Variants in RAB11FIP4 observed in about 807,000 individuals in gnomAD.
RAB11FIP4 encodes rab11 family-interacting protein 4.
RAB11FIP4 carries 23 observed loss-of-function variants against 74.3 expected under a neutral mutation model. That is an observed-to-expected ratio of 0.31 (90% CI 0.22 to 0.44). The LOEUF (loss-of-function observed/expected upper bound fraction) is 0.44. RAB11FIP4 is among the 20% of genes least tolerant of loss of function. The probability of loss-of-function intolerance (pLI) is 1.00; values close to 1 mark genes in which losing one functional copy is unlikely to be tolerated. For synonymous variants in RAB11FIP4, 360 were observed against 359.9 expected (o/e 1.00, Z 0.00); for missense variants, 630 against 863.9 (o/e 0.73, Z 3.39).
At chr17:31,491,936 C>T (rs1319756524) in intron 3 of RAB11FIP4, among the ~76,000 whole-genome samples, 3 of 152,204 alleles carry the variant, frequency 2.0e-5, no homozygotes, top group Non-Finnish European at 4.4e-5. Flanking sequence ...AACGTGGAAA[C>T]ATTTCCTGCC....
chr17:31,502,211 G>A (rs1250629663), intron 3 of RAB11FIP4, among the ~76,000 whole-genome samples: 4 of 146,038 alleles, frequency 2.7e-5, no homozygotes, highest in East Asian at 2.0e-4. Context: ...TTGACAGAGC[G>A]ATACCTTGTC....
chr17:31,500,470 C>T (rs999365865), intron 3 of RAB11FIP4, among the ~76,000 whole-genome samples: 3 of 152,184 alleles, frequency 2.0e-5, no homozygotes, highest in Non-Finnish European at 2.9e-5. Flanking sequence ...AGTTACTGAG[C>T]GCTGCTGGTC....
intron 3 of RAB11FIP4, among the ~76,000 whole-genome samples, chr17:31,498,609 T>A (rs1266231487): frequency 6.6e-6 from 1 of 152,212 alleles, no homozygotes; most frequent in Non-Finnish European, 1.5e-5. Flanking sequence ...CTCTGCTGGC[T>A]GTTCAAGGCC....
intron 3 of RAB11FIP4, among the ~76,000 whole-genome samples, chr17:31,494,329 G>C (rs984302194): frequency 1.3e-4 from 19 of 151,948 alleles, no homozygotes; most frequent in African/African-American, 4.6e-4. Context: ...AGGGTTCGTG[G>C]TAAGAGGATG....
intron 1 of RAB11FIP4, among the ~76,000 whole-genome samples, chr17:31,430,242 ACCAAAGGC>A (rs896262327): frequency 2.0e-5 from 3 of 152,012 alleles, no homozygotes; most frequent in Admixed American, 6.6e-5. Context: ...TGAGGAGCTG[ACCAAAGGC>A]CAGTGCAGCT....
chr17:31,529,024 C>A (rs903254592), intron 13 of RAB11FIP4, among the ~76,000 whole-genome samples: 19 of 152,010 alleles, frequency 1.2e-4, no homozygotes, highest in South Asian at 2.1e-4. Flanking sequence ...GAGGATGAGA[C>A]CATACCCAGC....
At chr17:31,461,781 G>A (rs975609353) in intron 3 of RAB11FIP4, among the ~76,000 whole-genome samples, 9 of 151,406 alleles carry the variant, frequency 5.9e-5, no homozygotes, top group African/African-American at 1.9e-4. Flanking sequence ...GCAGTGGCAC[G>A]ATCTCGACTC....
chr17:31,522,462 C>T lies in RAB11FIP4; in HGVS notation c.929+67C>T, dbSNP rs2072686836. On this transcript the variant is annotated intron_variant, in intron 7 of 14. Coordinates refer to ENST00000621161, the MANE Select transcript of RAB11FIP4 (RefSeq NM_032932.6). ...CATGCTGCCCACTGGCCGGGGCTCCCTGCCAGCAGCCCGGACTCAGCTGGT... is the reference window on the plus strand; with the variant it reads ...CATGCTGCCCACTGGCCGGGGCTCCTTGCCAGCAGCCCGGACTCAGCTGGT... 2.6e-6 allele frequency: 4 copies of T among 1,509,850 alleles called. No homozygotes were observed. In the South Asian group the frequency reaches 4.6e-5, roughly 17 times the overall value. 93.5% of individuals were successfully genotyped at this position (1,509,850 alleles called of 1,614,324 possible).
intron 1 of RAB11FIP4, 71 bp from the exon 2 acceptor site, chr17:31,431,737 AGCCTC>A: frequency 9.5e-6 from 5 of 528,428 alleles, no homozygotes; most frequent in African/African-American, 2.0e-5. Context: ...CCTCCCTCCC[AGCCTC>A]CCCACCCAGC....
chr17:31,444,945 T>C lies in RAB11FIP4; in HGVS notation c.336+10823T>C, dbSNP rs367712314. ...CAGTGCATTTTTGAAACAGTAACTG[T>C]GGGAAACACACAAACACAATCACAT... is the stretch of plus-strand genomic sequence containing the variant. On this transcript the variant is annotated intron_variant, in intron 3 of 14. Coordinates refer to ENST00000621161, the MANE Select transcript of RAB11FIP4 (RefSeq NM_032932.6). Among the ~76,000 whole-genome samples the C allele has an allele frequency of 5.3e-5, 8 of 152,084 alleles. No individual in the cohort carries two copies. In the East Asian group the frequency reaches 1.3e-3, roughly 26 times the overall value.
At chr17:31,420,993 A>G (rs34938453) in intron 1 of RAB11FIP4, among the ~76,000 whole-genome samples, 10,885 of 152,126 alleles carry the variant, frequency 0.072, 503 homozygotes, top group Middle Eastern at 0.13. Flanking sequence ...TTGAGGCAGG[A>G]GAATTGCTTG....
At chr17:31,398,468 T>G (rs1597895073) in intron 1 of RAB11FIP4, among the ~76,000 whole-genome samples, 1 of 149,548 alleles carries the variant, frequency 6.7e-6, no homozygotes. Context: ...CCATGGGGGG[T>G]GGGGGGTGTG....
At chr17:31,488,108 A>G (rs2071932649) in intron 3 of RAB11FIP4, 3 of 1,020,422 alleles carry the variant, frequency 2.9e-6, no homozygotes, top group African/African-American at 3.5e-5. Flanking sequence ...CGCGCCTTCC[A>G]CTGGTGCCCA....
At position 31,536,455 on chromosome 17, in the gene RAB11FIP4, T is replaced by C. The variant is rs1190331921; in HGVS notation, c.*4723T>C. ...TCCACAGCGACTCTTTCTCAAGGGC[T>C]ACTGTGGATTCTAGATTGAGGAAAG... On this transcript the variant is annotated 3_prime_UTR_variant, in exon 15 of 15. Coordinates refer to ENST00000621161, the MANE Select transcript of RAB11FIP4 (RefSeq NM_032932.6). 1 of 152,790 alleles carries C rather than the reference T, an allele frequency of 6.5e-6. No homozygotes were observed. The highest frequency in any genetic ancestry group is 1.5e-5 in the Non-Finnish European group (1 of 68,452). The allele number at this position is 152,790 out of a possible 1,614,324, so 9.5% of individuals were successfully genotyped here.
intron 10 of RAB11FIP4, chr17:31,526,696 A>C (rs925235142): frequency 1.3e-5 from 2 of 152,442 alleles, no homozygotes; most frequent in Non-Finnish European, 2.9e-5. Flanking sequence ...CTATAATCCC[A>C]GCACTTTCGG....
chr17:31,443,212 C>G (rs972635488), intron 3 of RAB11FIP4, among the ~76,000 whole-genome samples: 2 of 152,102 alleles, frequency 1.3e-5, no homozygotes, highest in Non-Finnish European at 2.9e-5. Context: ...AATTGCCTGT[C>G]GACATTCTCC....
At chr17:31,491,697 C>CT (rs2072012191) in intron 3 of RAB11FIP4, among the ~76,000 whole-genome samples, 1 of 152,166 alleles carries the variant, frequency 6.6e-6, no homozygotes, top group Admixed American at 6.5e-5. Context: ...CCACCCAATG[C>CT]TGTGACAACC....
At position 31,495,125 on chromosome 17, in the gene RAB11FIP4, A is replaced by G. The variant is rs150862081; in HGVS notation, c.337-22526A>G. Among the ~76,000 whole-genome samples, 52 of 152,344 alleles carry G rather than the reference A, an allele frequency of 3.4e-4. No individual in the cohort carries two copies. The East Asian group carries it at 9.6e-3, about 28-fold the overall frequency. ...CCATCTGCCACTGCCAGCCCCCAGC[A>G]TCTGCCTTATTAAAATGCTGAGGCT... On this transcript the variant is annotated intron_variant, in intron 3 of 14. Transcript: ENST00000621161.
rs2072978982 is a variant in RAB11FIP4 at position 31,537,159 on chromosome 17, G to A, written c.*5427G>A. Reference sequence around the variant, plus strand: ...GTGCCTTTTCTTCCCCATCGCCACTGTACAGGATTTTCCACATTGCCCACT... The same window carrying A: ...GTGCCTTTTCTTCCCCATCGCCACTATACAGGATTTTCCACATTGCCCACT... On this transcript the variant is annotated 3_prime_UTR_variant, in exon 15 of 15. Coordinates refer to ENST00000621161, the MANE Select transcript of RAB11FIP4 (RefSeq NM_032932.6). The A allele has an allele frequency of 5.0e-6, 2 of 399,704 alleles. No homozygotes were observed. Among genetic ancestry groups the A allele is most frequent in the Non-Finnish European group, 8.8e-6 (2 of 226,408 alleles). The allele number at this position is 399,704 out of a possible 1,614,324, so 24.8% of individuals were successfully genotyped here.
Sources: allele counts gnomAD v4.1 joint callset (sites outside exome capture counted in the v4.1 genomes callset), GRCh38; gene constraint gnomAD v4.1.1; transcripts MANE v1.5; gene names NCBI Gene and HGNC (gene_info 2026-07-23, HGNC 2026-07-21).